Variants in GADL1 observed in about 807,000 individuals in gnomAD.
GADL1 encodes GAD like acidic amino acid decarboxylase 1.
In GADL1, 71 loss-of-function variants were observed where a neutral mutation model predicts 69.5. The ratio of observed to expected loss-of-function variants is 1.02; its 90% CI spans 0.84 to 1.25. GADL1 has a LOEUF of 1.25. Among genes scored for constraint, GADL1 ranks in the 50% most tolerant of loss-of-function variants. The probability of loss-of-function intolerance (pLI) is 0.00; values close to 1 mark genes in which losing one functional copy is unlikely to be tolerated. For synonymous variants in GADL1, 254 were observed against 214.4 expected (o/e 1.18, Z -1.62); for missense variants, 737 against 631.8 (o/e 1.17, Z -1.79).
intron 12 of GADL1, chr3:30,799,250 A>AG (rs34236156): frequency 1.3e-5 from 2 of 152,296 alleles, no homozygotes; most frequent in Non-Finnish European, 2.9e-5. Context: ...CTGGGCATCC[A>AG]GGGGTTTCCA....
chr3:30,753,906 T>A (rs1269613640), intron 14 of GADL1, among the ~76,000 whole-genome samples: 1 of 152,210 alleles, frequency 6.6e-6, no homozygotes, highest in Non-Finnish European at 1.5e-5. Context: ...ACTAGACCAT[T>A]GATGAATCCA....
intron 11 of GADL1, among the ~76,000 whole-genome samples, chr3:30,828,387 G>A (rs538498650): frequency 2.1e-5 from 3 of 143,588 alleles, no homozygotes; most frequent in Admixed American, 7.1e-5. Context: ...TTTCCTTTAC[G>A]TTGTACTATG....
At chr3:30,772,368 T>G (rs1696435949) in intron 14 of GADL1, among the ~76,000 whole-genome samples, 1 of 152,150 alleles carries the variant, frequency 6.6e-6, no homozygotes. Flanking sequence ...TTATGAAATA[T>G]TGACAAAATA....
chr3:30,794,302 T>TTGC (rs1696983005), intron 12 of GADL1, among the ~76,000 whole-genome samples: 2 of 151,856 alleles, frequency 1.3e-5, no homozygotes. Context: ...GAGCTGTTTG[T>TTGC]TGTTGAAAAG....
At chr3:30,874,213 G>A (rs775003436) in intron 1 of GADL1, among the ~76,000 whole-genome samples, 29 of 151,820 alleles carry the variant, frequency 1.9e-4, no homozygotes, top group Non-Finnish European at 3.8e-4. Flanking sequence ...TATAAAATTG[G>A]AGCAAATGTC....
At chr3:30,751,460 TCTG>T (rs996352345) in intron 14 of GADL1, among the ~76,000 whole-genome samples, 3 of 151,584 alleles carry the variant, frequency 2.0e-5, no homozygotes, top group African/African-American at 7.3e-5. Flanking sequence ...CTTCGTGTCT[TCTG>T]TTCAACATTC....
At chr3:30,790,927 G>A (rs1383592653) in intron 12 of GADL1, among the ~76,000 whole-genome samples, 2 of 151,880 alleles carry the variant, frequency 1.3e-5, no homozygotes, top group African/African-American at 4.8e-5. Flanking sequence ...AGCACAGGAT[G>A]ATCATGATAA....
chr3:30,763,699 C>A (rs1340062526), intron 14 of GADL1, among the ~76,000 whole-genome samples: 2 of 152,084 alleles, frequency 1.3e-5, no homozygotes, highest in Non-Finnish European at 2.9e-5. Flanking sequence ...TACGTTACAT[C>A]AAAATTGCAA....
At chr3:30,804,419 ACT>A (rs1318983689) in intron 11 of GADL1, among the ~76,000 whole-genome samples, 103 of 152,194 alleles carry the variant, frequency 6.8e-4, no homozygotes, top group African/African-American at 2.3e-3. Context: ...ACATTTAGTT[ACT>A]TAGTCTGCGT....
chr3:30,845,332 CA>C (rs1346672085), intron 6 of GADL1, among the ~76,000 whole-genome samples: 3 of 152,144 alleles, frequency 2.0e-5, no homozygotes, highest in African/African-American at 7.2e-5. Context: ...TGTCGCTCTT[CA>C]TACATTAGTG....
At chr3:30,797,544 CTG>C (rs1405808083) in intron 12 of GADL1, 1 of 152,162 alleles carries the variant, frequency 6.6e-6, no homozygotes, top group Admixed American at 6.5e-5. Flanking sequence ...TGGGACAAAA[CTG>C]AGGTGCAGAG....
intron 8 of GADL1, among the ~76,000 whole-genome samples, chr3:30,839,691 T>C (rs988180664): frequency 7.9e-5 from 12 of 151,986 alleles, no homozygotes; most frequent in Non-Finnish European, 8.8e-5. Flanking sequence ...CCAAAATAGG[T>C]GCTGCAACAG....
intron 14 of GADL1, among the ~76,000 whole-genome samples, chr3:30,748,092 G>A (rs1695735902): frequency 6.6e-6 from 1 of 152,176 alleles, no homozygotes; most frequent in African/African-American, 2.4e-5. Flanking sequence ...TGAAGCCAGA[G>A]AAGGGAAGTT....
At chr3:30,891,491 A>G (rs2125548631) in intron 1 of GADL1, among the ~76,000 whole-genome samples, 1 of 152,206 alleles carries the variant, frequency 6.6e-6, no homozygotes, top group African/African-American at 2.4e-5. Context: ...AGAGGCAGGC[A>G]AAGGAGGCTG....
chr3:30,823,163 A>G (rs1449286146), intron 11 of GADL1, among the ~76,000 whole-genome samples: 1 of 151,940 alleles, frequency 6.6e-6, no homozygotes, highest in African/African-American at 2.4e-5. Flanking sequence ...ACAATGAGGG[A>G]AAGGGAACTC....
At chr3:30,840,949 A>G (rs1156681066) in intron 8 of GADL1, among the ~76,000 whole-genome samples, 1 of 152,232 alleles carries the variant, frequency 6.6e-6, no homozygotes, top group Non-Finnish European at 1.5e-5. Flanking sequence ...TGAGCTTGTC[A>G]GTAAGCCCTT....
At chr3:30,869,587 A>T (rs1239452088) in intron 1 of GADL1, among the ~76,000 whole-genome samples, 1 of 151,852 alleles carries the variant, frequency 6.6e-6, no homozygotes, top group African/African-American at 2.4e-5. Context: ...ACAGAAAACT[A>T]TGTTTACAAC....
intron 14 of GADL1, among the ~76,000 whole-genome samples, chr3:30,762,031 C>T (rs189443358): frequency 1.1e-4 from 16 of 152,244 alleles, no homozygotes; most frequent in Admixed American, 7.2e-4. Flanking sequence ...TGCAATGTGA[C>T]GTGGGTAGGT....
chr3:30,870,977 CAT>C (rs1457529584), intron 1 of GADL1, among the ~76,000 whole-genome samples: 2 of 150,666 alleles, frequency 1.3e-5, no homozygotes, highest in Non-Finnish European at 2.9e-5. Context: ...GTCATGATGA[CAT>C]AGAGACAAGA....
Sources: gnomAD v4.1 joint callset for allele counts (sites outside exome capture counted in the v4.1 genomes callset) on GRCh38, gnomAD v4.1.1 for gene constraint, MANE v1.5 for transcripts, NCBI Gene and HGNC (gene_info 2026-07-23, HGNC 2026-07-21) for gene names.